The following KCNN3 variants were observed in gnomAD, a reference collection of about 807,000 sequenced individuals.
KCNN3 encodes the protein potassium calcium-activated channel subfamily N member 3.
A neutral mutation model predicts 62.9 loss-of-function variants in KCNN3; 16 were observed. The ratio of observed to expected loss-of-function variants is 0.25; its 90% confidence interval spans 0.17 to 0.39. The LOEUF (loss-of-function observed/expected upper bound fraction) is 0.39, where lower values mean the gene tolerates loss of function less well. KCNN3 is among the 10% of genes least tolerant of loss of function. The probability of loss-of-function intolerance (pLI) is 1.00; values close to 1 mark genes in which losing one functional copy is unlikely to be tolerated. For missense variants in KCNN3, 599 were observed against 949.4 expected, an observed-to-expected ratio of 0.63 and a Z score of 4.85; for synonymous variants, 370 against 389.2, an observed-to-expected ratio of 0.95 and a Z score of 0.58.
chr1:154,770,429 T>C (rs896588328), intron 3 of KCNN3, among the ~76,000 whole-genome samples: 3 of 152,230 alleles, frequency 2.0e-5, no homozygotes, highest in Non-Finnish European at 4.4e-5. Context: ...GTGTTGAGGC[T>C]AACTCCTCTC....
intron 2 of KCNN3, among the ~76,000 whole-genome samples, chr1:154,805,830 G>C (rs1193830574): frequency 6.6e-6 from 1 of 152,162 alleles, no homozygotes; most frequent in Non-Finnish European, 1.5e-5. Context: ...AAATGTCTGT[G>C]TCCAAATCAC....
At chr1:154,740,938 T>C (rs1700811521) in intron 3 of KCNN3, among the ~76,000 whole-genome samples, 1 of 152,246 alleles carries the variant, frequency 6.6e-6, no homozygotes, top group Admixed American at 6.5e-5. Flanking sequence ...TGCCTTGCCT[T>C]TTTCTCTACA....
chr1:154,810,856 C>A (rs1328468758), intron 2 of KCNN3, among the ~76,000 whole-genome samples: 1 of 152,228 alleles, frequency 6.6e-6, no homozygotes, highest in Non-Finnish European at 1.5e-5. Flanking sequence ...TGAGGACGGG[C>A]CTCTCTCCCC....
chr1:154,733,773 AG>A (rs1014585490), intron 3 of KCNN3, among the ~76,000 whole-genome samples: 1 of 152,102 alleles, frequency 6.6e-6, no homozygotes, highest in Admixed American at 6.5e-5. Flanking sequence ...TGGAAACATC[AG>A]CACCATTTCC....
rs1553231996 is a variant in KCNN3, at chr1:154,766,416, T to TTTTATATATATATATATATATATATATA, written c.1448+5558_1448+5559insTATATATATATATATATATATATATAAA. On this transcript the variant is annotated intron_variant, in intron 3 of 7. Coordinates refer to ENST00000271915, the MANE Select transcript of KCNN3 (RefSeq NM_002249.6). ...CCATTTATTAAATACTAGCCAGGCT[T>TTTTATATATATATATATATATATATATA]TATATATATATATATATATATATAT... is the stretch of plus-strand genomic sequence containing the variant. Among the ~76,000 whole-genome samples, 246 of 71,782 alleles carry TTTTATATATATATATATATATATATATA rather than the reference T, an allele frequency of 3.4e-3. 6 individuals are homozygous for TTTTATATATATATATATATATATATATA. Among genetic ancestry groups the TTTTATATATATATATATATATATATATA allele is most frequent in the Non-Finnish European group, 4.8e-3 (171 of 35,912 alleles). The allele number at this position is 71,782 out of a possible 152,430, so 47.1% of individuals were successfully genotyped here.
intron 3 of KCNN3, among the ~76,000 whole-genome samples, chr1:154,749,192 C>T (rs893756373): frequency 3.1e-4 from 47 of 152,316 alleles, no homozygotes; most frequent in African/African-American, 8.9e-4. Flanking sequence ...GCATAGGTTG[C>T]GCACTGTGCA....
chr1:154,844,718 C>G (rs1651977450), intron 1 of KCNN3, among the ~76,000 whole-genome samples: 1 of 152,192 alleles, frequency 6.6e-6, no homozygotes, highest in Non-Finnish European at 1.5e-5. Flanking sequence ...CATGAGGAAA[C>G]TAGGGGGCCA....
intron 2 of KCNN3, among the ~76,000 whole-genome samples, chr1:154,773,491 T>C (rs1648660388): frequency 6.6e-6 from 1 of 152,248 alleles, no homozygotes; most frequent in African/African-American, 2.4e-5. Context: ...TAAAACAACC[T>C]GGGGCTGGTG....
intron 2 of KCNN3, among the ~76,000 whole-genome samples, chr1:154,803,120 C>A (rs1033190091): frequency 1.3e-5 from 2 of 152,182 alleles, no homozygotes; most frequent in Admixed American, 1.3e-4. Context: ...TGTGGCCAGG[C>A]TTTGTGAAGT....
chr1:154,727,452 TTCTC>T (rs1700494851), intron 4 of KCNN3, among the ~76,000 whole-genome samples: 1 of 152,202 alleles, frequency 6.6e-6, no homozygotes, highest in Non-Finnish European at 1.5e-5. Context: ...TAGAAGCTAT[TTCTC>T]TCTTTATCCC....
chr1:154,791,282 ACCACTT>A (rs1649506306), intron 2 of KCNN3, among the ~76,000 whole-genome samples: 1 of 148,246 alleles, frequency 6.7e-6, no homozygotes. Flanking sequence ...CGTGTATCAT[ACCACTT>A]TTTTTTTTTT....
chr1:154,767,855 TC>T (rs1273493972), intron 3 of KCNN3, among the ~76,000 whole-genome samples: 1 of 152,128 alleles, frequency 6.6e-6, no homozygotes, highest in Non-Finnish European at 1.5e-5. Context: ...GTAATTATGA[TC>T]CCACTTTCTC....
chr1:154,822,814 C>A (rs1384648860), intron 1 of KCNN3, among the ~76,000 whole-genome samples: 1 of 152,174 alleles, frequency 6.6e-6, no homozygotes, highest in Non-Finnish European at 1.5e-5. Context: ...CCTGATGGTC[C>A]CTCCTGCTAG....
At chr1:154,718,723 C>T (rs112945797) in intron 5 of KCNN3, among the ~76,000 whole-genome samples, 30 of 152,282 alleles carry the variant, frequency 2.0e-4, no homozygotes, top group African/African-American at 5.3e-4. Context: ...AGGTAACAAG[C>T]GCTTAAAAAA....
intron 1 of KCNN3, chr1:154,867,989 C>T: frequency 1.0e-6 from 1 of 985,376 alleles, no homozygotes. Context: ...AAACCCCCTC[C>T]TCCGTCTTGG....
At position 154,728,978 on chromosome 1, in the gene KCNN3, C is replaced by T. The variant is rs115182906; in HGVS notation, c.1591-2952G>A. ...AAGGATTGCCTGTCCCCTGGGTCCCCTTTGGGATGCTGGGCCCTTTCACTT... is the reference window on the plus strand; with the variant it reads ...AAGGATTGCCTGTCCCCTGGGTCCCTTTTGGGATGCTGGGCCCTTTCACTT... On this transcript the variant is annotated intron_variant, in intron 4 of 7. Transcript: ENST00000271915. Among the ~76,000 whole-genome samples the T allele has an allele frequency of 2.4e-3, 369 of 152,288 alleles. 5 individuals carry two copies. The highest frequency in any genetic ancestry group is 8.3e-3 in the African/African-American group (343 of 41,548).
chr1:154,787,713 C>T (rs1649343596), intron 2 of KCNN3, among the ~76,000 whole-genome samples: 1 of 152,172 alleles, frequency 6.6e-6, no homozygotes, highest in Non-Finnish European at 1.5e-5. Flanking sequence ...TAAGTCACAC[C>T]ACACCCCGTG....
intron 3 of KCNN3, among the ~76,000 whole-genome samples, chr1:154,759,698 AC>A (rs1203817925): frequency 6.6e-6 from 1 of 152,198 alleles, no homozygotes; most frequent in Non-Finnish European, 1.5e-5. Context: ...TAAAGAAGGA[AC>A]CCTGGCATTT....
chr1:154,856,037 C>A lies in KCNN3; in HGVS notation c.933+12995G>T, dbSNP rs112402054. Reference sequence around the variant, plus strand: ...CTGAGGGAAGCTCCCCTGAGCCCAACAGCCTCAGGTACCTCGGGGAAAAGT... The same window carrying A: ...CTGAGGGAAGCTCCCCTGAGCCCAAAAGCCTCAGGTACCTCGGGGAAAAGT... On this transcript the variant is annotated intron_variant, in intron 1 of 7. Coordinates refer to ENST00000271915, the MANE Select transcript of KCNN3 (RefSeq NM_002249.6). 7.7e-4 allele frequency among the ~76,000 whole-genome samples: 117 copies of A among 152,356 alleles called. 1 individual carries two copies. The highest frequency in any genetic ancestry group is 6.8e-3 in the Middle Eastern group (2 of 294).
Sources: allele counts gnomAD v4.1 joint callset (sites outside exome capture counted in the v4.1 genomes callset), GRCh38; gene constraint gnomAD v4.1.1; transcripts MANE v1.5; gene names NCBI Gene and HGNC (gene_info 2026-07-23, HGNC 2026-07-21).